Variants in KCNIP1 observed in about 807,000 individuals in gnomAD.
The protein encoded by KCNIP1 is A-type potassium channel modulatory protein KCNIP1.
KCNIP1 carries 18 observed loss-of-function variants against 33.0 expected under a neutral mutation model. The observed-to-expected ratio is 0.55, with a 90% CI of 0.38 to 0.81. KCNIP1 has a LOEUF of 0.81. KCNIP1 is among the 30% of genes least tolerant of loss of function. The pLI, the probability that KCNIP1 is intolerant of heterozygous loss-of-function variation, is 0.00. For synonymous variants in KCNIP1, 93 were observed against 98.3 expected (o/e 0.95, Z 0.32); for missense variants, 238 against 271.6 (o/e 0.88, Z 0.87).
intron 1 of KCNIP1, among the ~76,000 whole-genome samples, chr5:170,527,563 C>T (rs1025941846): frequency 6.6e-6 from 1 of 151,856 alleles, no homozygotes; most frequent in African/African-American, 2.4e-5. Context: ...CAGCCACTCA[C>T]AGCTGCAGCA....
intron 1 of KCNIP1, among the ~76,000 whole-genome samples, chr5:170,412,969 G>C (rs1561613564): frequency 2.0e-5 from 3 of 152,202 alleles, no homozygotes; most frequent in Admixed American, 2.0e-4. Context: ...TGTATCTCCT[G>C]TCCCTCTGGA....
intron 1 of KCNIP1, among the ~76,000 whole-genome samples, chr5:170,460,304 T>G (rs180887953): frequency 1.7e-4 from 26 of 152,048 alleles, no homozygotes; most frequent in African/African-American, 6.0e-4. Flanking sequence ...TTCCACAAGA[T>G]AGAGAAAGAA....
chr5:170,458,970 CTAACACA>C (rs1209463294), intron 1 of KCNIP1, among the ~76,000 whole-genome samples: 1 of 152,080 alleles, frequency 6.6e-6, no homozygotes, highest in Admixed American at 6.5e-5. Flanking sequence ...AGAGACTCAC[CTAACACA>C]TAAGGACACA....
At chr5:170,540,021 C>A (rs537189953) in intron 1 of KCNIP1, among the ~76,000 whole-genome samples, 1 of 152,296 alleles carries the variant, frequency 6.6e-6, no homozygotes, top group East Asian at 1.9e-4. Context: ...ATCTTTCAAC[C>A]TGCGTGCGGG....
At chr5:170,377,748 A>G (rs1014464858) in intron 1 of KCNIP1, 4 of 151,890 alleles carry the variant, frequency 2.6e-5, no homozygotes, top group African/African-American at 9.7e-5. Context: ...AATTTTTTGT[A>G]TTTTTAGTAG....
At chr5:170,452,545 G>A (rs1261391189) in intron 1 of KCNIP1, among the ~76,000 whole-genome samples, 1 of 152,112 alleles carries the variant, frequency 6.6e-6, no homozygotes, top group Non-Finnish European at 1.5e-5. Context: ...TTTCATTTAG[G>A]GGCTCCTGTC....
chr5:170,615,640 G>A (rs1456185073), intron 1 of KCNIP1, among the ~76,000 whole-genome samples: 2 of 152,090 alleles, frequency 1.3e-5, no homozygotes, highest in Non-Finnish European at 2.9e-5. Context: ...CTGGCACCTG[G>A]TACCCTCCAC....
At chr5:170,393,372 C>T (rs1436438948) in intron 1 of KCNIP1, among the ~76,000 whole-genome samples, 1 of 152,142 alleles carries the variant, frequency 6.6e-6, no homozygotes, top group African/African-American at 2.4e-5. Context: ...GTCTTGAGCC[C>T]CTGTGTGTGC....
intron 1 of KCNIP1, among the ~76,000 whole-genome samples, chr5:170,516,870 AAGCTATAAGGCAGTGC>A (rs1755143632): frequency 6.6e-6 from 1 of 152,242 alleles, no homozygotes; most frequent in Non-Finnish European, 1.5e-5. Flanking sequence ...TGTGTTTAGT[AAGCTATAAGGCAGTGC>A]ATACGTGGTG....
At chr5:170,595,897 G>T (rs993220427) in intron 1 of KCNIP1, among the ~76,000 whole-genome samples, 1 of 152,078 alleles carries the variant, frequency 6.6e-6, no homozygotes, top group Non-Finnish European at 1.5e-5. Context: ...CATGCAAGAC[G>T]CTCTGCTAAC....
chr5:170,481,110 A>G (rs1756968683), intron 1 of KCNIP1, among the ~76,000 whole-genome samples: 2 of 152,190 alleles, frequency 1.3e-5, no homozygotes, highest in African/African-American at 4.8e-5. Flanking sequence ...GTTTTAATTG[A>G]TTATAGCCAT....
intron 1 of KCNIP1, among the ~76,000 whole-genome samples, chr5:170,540,773 G>A (rs1292141601): frequency 1.3e-5 from 2 of 152,138 alleles, no homozygotes; most frequent in Non-Finnish European, 2.9e-5. Context: ...CAGAAGGTGA[G>A]GTCCCCAAAA....
At chr5:170,718,435 G>C (rs1465447061) in intron 1 of KCNIP1, among the ~76,000 whole-genome samples, 1 of 152,182 alleles carries the variant, frequency 6.6e-6, no homozygotes, top group African/African-American at 2.4e-5. Context: ...GGTTCCATGG[G>C]AAACAATTTG....
At chr5:170,602,838 G>A (rs931816696) in intron 1 of KCNIP1, among the ~76,000 whole-genome samples, 5 of 152,338 alleles carry the variant, frequency 3.3e-5, no homozygotes, top group Non-Finnish European at 5.9e-5. Flanking sequence ...TCCCAAGGGC[G>A]CAAGGTGAGG....
chr5:170,478,927 GC>G (rs1756916408), intron 1 of KCNIP1, among the ~76,000 whole-genome samples: 1 of 151,878 alleles, frequency 6.6e-6, no homozygotes, highest in Admixed American at 6.6e-5. Flanking sequence ...AAAAAGGTTG[GC>G]CATATTTGCA....
intron 1 of KCNIP1, among the ~76,000 whole-genome samples, chr5:170,637,499 C>T (rs1283620581): frequency 1.3e-5 from 2 of 152,172 alleles, no homozygotes; most frequent in Admixed American, 6.5e-5. Context: ...CCAAACACTC[C>T]CACCCACACC....
intron 5 of KCNIP1, among the ~76,000 whole-genome samples, chr5:170,725,196 A>T (rs974223325): frequency 7.9e-5 from 12 of 152,186 alleles, no homozygotes; most frequent in African/African-American, 2.4e-4. Context: ...TGTAAAGGAA[A>T]CCAGTATATC....
intron 1 of KCNIP1, among the ~76,000 whole-genome samples, chr5:170,600,132 T>C (rs1374213941): frequency 6.6e-6 from 1 of 152,180 alleles, no homozygotes; most frequent in Non-Finnish European, 1.5e-5. Flanking sequence ...ATTAACTTGC[T>C]CAGGGCCACA....
intron 1 of KCNIP1, among the ~76,000 whole-genome samples, chr5:170,424,760 T>C (rs1755575272): frequency 6.6e-6 from 1 of 152,188 alleles, no homozygotes; most frequent in Non-Finnish European, 1.5e-5. Context: ...GATTATGTCA[T>C]TCTCCTGCTC....
Sources: gnomAD v4.1 joint callset for allele counts (sites outside exome capture counted in the v4.1 genomes callset) on GRCh38, gnomAD v4.1.1 for gene constraint, MANE v1.5 for transcripts, NCBI Gene and HGNC (gene_info 2026-07-23, HGNC 2026-07-21) for gene names.